ERP44: variants seen among roughly 807,000 people sequenced by gnomAD.
ERP44 encodes the protein endoplasmic reticulum protein 44, also known as endoplasmic reticulum resident protein 44.
Under a neutral mutation model 53.4 loss-of-function variants are expected in ERP44, and 25 were observed. The ratio of observed to expected loss-of-function variants is 0.47; its 90% CI spans 0.34 to 0.65. The LOEUF (loss-of-function observed/expected upper bound fraction) is 0.65, where lower values mean the gene tolerates loss of function less well. Among genes scored for constraint, ERP44 ranks in the 30% least tolerant of loss-of-function variants. ERP44 has a pLI of 0.01. For missense variants in ERP44, 338 were observed against 493.2 expected (o/e 0.69, Z 2.98); for synonymous variants, 145 against 161.2 (o/e 0.90, Z 0.76).
intron 5 of ERP44, among the ~76,000 whole-genome samples, chr9:100,021,292 T>C (rs569073687): frequency 6.6e-6 from 1 of 152,218 alleles, no homozygotes; most frequent in Non-Finnish European, 1.5e-5. Context: ...GTCCCTTTCC[T>C]GTGACATAAC....
chr9:100,020,615 C>A lies in ERP44; in HGVS notation c.587+1G>T, dbSNP rs753742172. ...AACACACTTTTAAATAAGATACTTA[C>A]CCAAATGCAGAAAGAAAGGCACAGT... On this transcript the variant is annotated splice_donor_variant, in intron 6 of 11. Coordinates refer to ENST00000262455, the MANE Select transcript of ERP44 (RefSeq NM_015051.3). LOFTEE classifies it high-confidence loss of function. 1 of 1,541,456 alleles carries A rather than the reference C, an allele frequency of 6.5e-7. No individual in the cohort carries two copies. The highest frequency in any genetic ancestry group is 1.1e-5 in the South Asian group (1 of 89,280).
At chr9:100,012,976 G>A (rs1830490358) in intron 8 of ERP44, among the ~76,000 whole-genome samples, 2 of 152,096 alleles carry the variant, frequency 1.3e-5, no homozygotes, top group Admixed American at 6.5e-5. Flanking sequence ...GGCAATGGAC[G>A]CAGATCAAAA....
At chr9:100,010,559 A>G (rs1225868768) in intron 8 of ERP44, among the ~76,000 whole-genome samples, 2 of 152,096 alleles carry the variant, frequency 1.3e-5, no homozygotes, top group Non-Finnish European at 2.9e-5. Flanking sequence ...ATTTTTTTAA[A>G]AATTGTAAGT....
At chr9:100,026,214 T>C (rs917728604) in intron 4 of ERP44, among the ~76,000 whole-genome samples, 3 of 151,910 alleles carry the variant, frequency 2.0e-5, no homozygotes, top group African/African-American at 7.3e-5. Flanking sequence ...ACCTGGGGAG[T>C]TGGGTCACAA....
chr9:100,002,256 G>C (rs1269845081), intron 10 of ERP44, among the ~76,000 whole-genome samples: 1 of 151,630 alleles, frequency 6.6e-6, no homozygotes, highest in South Asian at 2.1e-4. Context: ...TAATAGTTCT[G>C]TCTTTTATCC....
intron 1 of ERP44, among the ~76,000 whole-genome samples, chr9:100,063,092 A>AAAAAAAAAAAG (rs773290883): frequency 6.9e-6 from 1 of 145,236 alleles, no homozygotes; most frequent in Non-Finnish European, 1.5e-5. Flanking sequence ...AAAAAAAAAA[A>AAAAAAAAAAAG]AGAGAGAGAG....
At chr9:100,067,615 C>G (rs980473289) in intron 1 of ERP44, among the ~76,000 whole-genome samples, 1 of 152,174 alleles carries the variant, frequency 6.6e-6, no homozygotes, top group Non-Finnish European at 1.5e-5. Flanking sequence ...GCCGCCACCC[C>G]GTCTGGGAAG....
rs1424893765 is a variant in ERP44 at position 100,022,237 on chromosome 9, G to A, written c.287-11C>T. On this transcript the variant is annotated splice_polypyrimidine_tract_variant and intron_variant, in intron 4 of 11. Transcript: ENST00000262455. ...TCTGGGCTATGTCAGCTAAAAGAAT[G>A]AAAAAAAATTATTTACCCTCATATG... 6.3e-6 allele frequency: 10 copies of A among 1,593,560 alleles called. No homozygotes were observed. Among genetic ancestry groups the A allele is most frequent in the Admixed American group, 5.4e-5 (3 of 55,422 alleles).
chr9:100,098,962 G>A lies in ERP44; in HGVS notation c.-122C>T, dbSNP rs1826705585. The stretch of plus-strand genomic sequence containing the variant: ...GCAGCGGAGGATTCTCCAGGCAGCG[G>A]CACCTCGTCCTCTCGACCCGGGCTC... On this transcript the variant is annotated 5_prime_UTR_variant, in exon 1 of 12. Transcript: ENST00000262455. The A allele has an allele frequency of 5.4e-6, 4 of 747,032 alleles. No homozygotes were observed. The highest frequency in any genetic ancestry group is 1.8e-5 in the African/African-American group (1 of 56,816). 46.3% of individuals were successfully genotyped at this position (747,032 alleles called of 1,614,324 possible).
chr9:100,057,005 C>T (rs1476833590), intron 3 of ERP44, among the ~76,000 whole-genome samples: 1 of 152,128 alleles, frequency 6.6e-6, no homozygotes, highest in Non-Finnish European at 1.5e-5. Context: ...TTGTAGAGAA[C>T]AGAATGGAGA....
At chr9:100,084,907 G>A (rs1826464621) in intron 1 of ERP44, among the ~76,000 whole-genome samples, 1 of 152,084 alleles carries the variant, frequency 6.6e-6, no homozygotes. Flanking sequence ...AGCTAAGAAA[G>A]GCATCAACCA....
chr9:100,022,012 T>C (rs777791125), intron 5 of ERP44, 30 bp downstream of exon 5: 20 of 1,585,216 alleles, frequency 1.3e-5, no homozygotes, highest in Non-Finnish European at 1.7e-5. Context: ...CAGGGAATGT[T>C]TGTTTAATCT....
At chr9:100,004,361 C>T (rs1830406742) in intron 10 of ERP44, among the ~76,000 whole-genome samples, 1 of 152,170 alleles carries the variant, frequency 6.6e-6, no homozygotes, top group Admixed American at 6.5e-5. Context: ...GAGCCTGAAG[C>T]CACTGGGTTT....
At chr9:99,998,327 G>T (rs897682801) in intron 10 of ERP44, 2 of 509,338 alleles carry the variant, frequency 3.9e-6, no homozygotes, top group African/African-American at 3.9e-5. Flanking sequence ...CTGTTCTCAG[G>T]ATCTGTCCCC....
intron 4 of ERP44, among the ~76,000 whole-genome samples, chr9:100,050,510 C>T (rs1335632296): frequency 6.6e-6 from 1 of 152,052 alleles, no homozygotes; most frequent in Non-Finnish European, 1.5e-5. Flanking sequence ...AAGGTTCTTC[C>T]AGTCCAAAAC....
chr9:100,092,714 A>G (rs553988007), intron 1 of ERP44, among the ~76,000 whole-genome samples: 1 of 152,236 alleles, frequency 6.6e-6, no homozygotes, highest in Admixed American at 6.5e-5. Flanking sequence ...CCATAATACA[A>G]ACATGCACAC....
chr9:99,987,728 T>C (rs557875263), intron 10 of ERP44, among the ~76,000 whole-genome samples: 1 of 152,204 alleles, frequency 6.6e-6, no homozygotes, highest in Admixed American at 6.5e-5. Context: ...TTCTATGTTG[T>C]CATTTCTAGA....
intron 1 of ERP44, among the ~76,000 whole-genome samples, chr9:100,083,834 T>C (rs377383186): frequency 1.3e-5 from 2 of 152,320 alleles, no homozygotes; most frequent in Non-Finnish European, 2.9e-5. Context: ...TTAAAATGAC[T>C]GGCTATCAAG....
intron 10 of ERP44, among the ~76,000 whole-genome samples, chr9:99,985,363 G>A (rs553089748): frequency 1.3e-5 from 2 of 151,944 alleles, no homozygotes; most frequent in Non-Finnish European, 2.9e-5. Flanking sequence ...TTTTATTAAT[G>A]GGCACTTTAT....
Sources: allele counts gnomAD v4.1 joint callset (sites outside exome capture counted in the v4.1 genomes callset), GRCh38; gene constraint gnomAD v4.1.1; transcripts MANE v1.5; gene names NCBI Gene and HGNC (gene_info 2026-07-23, HGNC 2026-07-21).